Variants in ZNF341 observed in about 807,000 individuals in gnomAD.
ZNF341 encodes zinc finger protein 341.
In ZNF341, 52 loss-of-function variants were observed where a neutral mutation model predicts 87.7. The observed-to-expected ratio is 0.59, with a 90% CI of 0.47 to 0.75. The LOEUF (loss-of-function observed/expected upper bound fraction) is 0.75. Ranked by LOEUF, ZNF341 falls within the 30% of genes least tolerant of loss-of-function variation. The pLI, the probability that ZNF341 is intolerant of heterozygous loss-of-function variation, is 0.00. For missense variants in ZNF341, 977 were observed against 1,145.9 expected, an observed-to-expected ratio of 0.85 and a Z score of 2.13; for synonymous variants, 459 against 472.7, an observed-to-expected ratio of 0.97 and a Z score of 0.38.
Position 33,745,183 on chromosome 20 carries a change from C to T in ZNF341, c.223C>T (p.Gln75Ter), listed in dbSNP as rs2018890945. The T allele has an allele frequency of 6.2e-7, 1 of 1,614,096 alleles. No individual in the cohort carries two copies. Among genetic ancestry groups the T allele is most frequent in the Non-Finnish European group, 8.5e-7 (1 of 1,180,044 alleles). ...AGCGTTTATGACCCACAAGCGGGAA[C>T]AGTGCCAGGGGAATGCCCCCGCCCT... The part of the protein sequence containing the change: ...LPAFMTHKRE[Q>*]CQGNAPALAT... Residue 75 changes from glutamine to a stop codon, truncating the protein, a stop_gained, in exon 3 of 15, where the codon CAG becomes TAG. Coordinates refer to ENST00000375200, the MANE Select transcript of ZNF341 (RefSeq NM_001282933.2). LOFTEE classifies it high-confidence loss of function.
chr20:33,791,214 C>A lies in ZNF341; in HGVS notation c.2262C>A (p.Arg754=). The A allele has an allele frequency of 1.2e-6, 2 of 1,612,300 alleles. No individual in the cohort carries two copies. Among genetic ancestry groups the A allele is most frequent in the South Asian group, 1.1e-5 (1 of 91,032 alleles). Residue 754 remains arginine (R), a synonymous_variant, in exon 15 of 15, where the codon CGC becomes CGA. Transcript: ENST00000375200. ...CCCCCCAGAGGAGGGCAGCCCCCCG[C>A]AGTTGCGGCAGTGGTGGGCGCAAGG... The part of the protein sequence containing the change: ...RRPPQRRAAP[R]SCGSGGRKVL...
At chr20:33,768,274 C>A (rs2019452186) in intron 9 of ZNF341, among the ~76,000 whole-genome samples, 1 of 151,570 alleles carries the variant, frequency 6.6e-6, no homozygotes, top group African/African-American at 2.4e-5. Flanking sequence ...AGGTGCCCCC[C>A]ACCACACCCA....
At chr20:33,739,193 T>C (rs570105500) in intron 1 of ZNF341, among the ~76,000 whole-genome samples, 3 of 152,258 alleles carry the variant, frequency 2.0e-5, no homozygotes, top group East Asian at 1.9e-4. Context: ...TAGTCTTGAA[T>C]TCCTAACCTC....
intron 3 of ZNF341, 92 bp from the exon 4 acceptor site, chr20:33,748,831 C>G (rs1308830563): frequency 7.6e-7 from 1 of 1,318,452 alleles, no homozygotes; most frequent in Non-Finnish European, 1.0e-6. Context: ...CTTACAGAGC[C>G]TGACATGTCC....
In ZNF341 at chr20:33,762,760, C is replaced by T. The variant is rs547167049; in HGVS notation, c.1222+705C>T. 2.0e-5 allele frequency among the ~76,000 whole-genome samples: 3 copies of T among 152,158 alleles called. No individual in the cohort carries two copies. The East Asian group carries it at 5.8e-4, about 29-fold the overall frequency. Reference sequence around the variant, plus strand: ...TCCATGTGTTCTCATCGTTCAACTCCCACCTATGAGTGAGAACATACGGTG... The same window carrying T: ...TCCATGTGTTCTCATCGTTCAACTCTCACCTATGAGTGAGAACATACGGTG... On this transcript the variant is annotated intron_variant, in intron 8 of 14. Coordinates refer to ENST00000375200, the MANE Select transcript of ZNF341 (RefSeq NM_001282933.2).
At chr20:33,783,923 C>G in intron 12 of ZNF341, 59 bp downstream of exon 12, 4 of 1,528,922 alleles carry the variant, frequency 2.6e-6, no homozygotes, top group Non-Finnish European at 3.5e-6. Context: ...TCCCCCTCTC[C>G]TCATGCCTTT....
chr20:33,780,419 CT>C (rs143707345), intron 10 of ZNF341, among the ~76,000 whole-genome samples: 3,244 of 150,216 alleles, frequency 0.022, 115 homozygotes, highest in African/African-American at 0.075. Flanking sequence ...TTTTTTGTTT[CT>C]TTTTTGAGAC....
At position 33,783,948 on chromosome 20, in the gene ZNF341, C is replaced by T. The variant is rs575875944; in HGVS notation, c.1852+84C>T. On this transcript the variant is annotated intron_variant, in intron 12 of 14. Coordinates refer to ENST00000375200, the MANE Select transcript of ZNF341 (RefSeq NM_001282933.2). ...CTCATGCCTTTCTCTCTCTTCCCATCCCCATCTGGCTCTTCTCCCTGTCTC... is the reference window on the plus strand; with the variant it reads ...CTCATGCCTTTCTCTCTCTTCCCATTCCCATCTGGCTCTTCTCCCTGTCTC... 2.4e-5 allele frequency: 33 copies of T among 1,364,872 alleles called. No homozygotes were observed. In the South Asian group the frequency reaches 3.4e-4, roughly 14 times the overall value. The allele number at this position is 1,364,872 out of a possible 1,614,324, so 84.5% of individuals were successfully genotyped here.
rs2019306526 is a variant in ZNF341, at chr20:33,762,034, CA to C, written c.1202del (p.Gln401ArgfsTer64). 6.4e-7 allele frequency: 1 copy of C among 1,565,904 alleles called. No individual in the cohort carries two copies. The highest frequency in any genetic ancestry group is 1.4e-5 in the African/African-American group (1 of 73,936). On this transcript the variant is annotated frameshift_variant, in exon 8 of 15. Transcript: ENST00000375200. LOFTEE classifies it high-confidence loss of function. The part of the protein sequence containing the change: ...VQVMALNPSR[Q>X]EDEESTGLGQ... ...GGTCATGGCCCTGAACCCCAGCAGG[CA>C]GGAGGACGAGGAAAGCACAGGTGGG...
chr20:33,789,615 GGGTCT>G, intron 14 of ZNF341, 27 bp downstream of exon 14: 1 of 1,613,166 alleles, frequency 6.2e-7, no homozygotes, highest in South Asian at 1.1e-5. Flanking sequence ...CCTGCTAAGA[GGGTCT>G]GGTTCAGCTC....
At chr20:33,784,957 C>T (rs2019823095) in intron 12 of ZNF341, among the ~76,000 whole-genome samples, 1 of 152,196 alleles carries the variant, frequency 6.6e-6, no homozygotes, top group Non-Finnish European at 1.5e-5. Flanking sequence ...GGTGGGGACA[C>T]TGCTCTCACT....
At chr20:33,758,572 C>T in intron 6 of ZNF341, 144 bp from the exon 7 acceptor site, 1 of 619,496 alleles carries the variant, frequency 1.6e-6, no homozygotes, top group Non-Finnish European at 2.8e-6. Flanking sequence ...GAAGCTCTCC[C>T]ATGTCTCCTC....
chr20:33,762,024 C>A lies in ZNF341; in HGVS notation c.1191C>A (p.Asn397Lys). The A allele has an allele frequency of 6.3e-7, 1 of 1,575,014 alleles. No homozygotes were observed. ...NSVTVQVMALNPSRQEDEEST... is the reference protein window; with the variant it reads ...NSVTVQVMALKPSRQEDEEST... Reference sequence around the variant, plus strand: ...TGACCGTACAGGTCATGGCCCTGAACCCCAGCAGGCAGGAGGACGAGGAAA... The same window carrying A: ...TGACCGTACAGGTCATGGCCCTGAAACCCAGCAGGCAGGAGGACGAGGAAA... The change falls in exon 8 of 15, where the codon AAC becomes AAA. Residue 397 changes from asparagine (N) to lysine (K), a missense_variant. Physicochemically the swap from Asn to Lys is moderately conservative, Grantham distance 94. Coordinates refer to ENST00000375200, the MANE Select transcript of ZNF341 (RefSeq NM_001282933.2).
chr20:33,770,219 G>C lies in ZNF341; in HGVS notation c.1549G>C (p.Asp517His). The change falls in exon 10 of 15, where the codon GAC becomes CAC. Residue 517 changes from aspartate to histidine, a missense_variant. Physicochemically the swap from Asp to His is moderately conservative, Grantham distance 81. Transcript: ENST00000375200. The part of the protein sequence containing the change: ...LCGKDFPSLY[D>H]LGVHQYSHSL... ...CGGCAAGGACTTCCCCTCGCTGTACGACCTGGGCGTGCACCAGTACTCCCA... is the reference window on the plus strand; with the variant it reads ...CGGCAAGGACTTCCCCTCGCTGTACCACCTGGGCGTGCACCAGTACTCCCA... The C allele has an allele frequency of 1.9e-6, 3 of 1,613,994 alleles. No individual in the cohort carries two copies. The highest frequency in any genetic ancestry group is 2.5e-6 in the Non-Finnish European group (3 of 1,180,004).
At chr20:33,779,867 C>T (rs2019706888) in intron 10 of ZNF341, among the ~76,000 whole-genome samples, 1 of 152,214 alleles carries the variant, frequency 6.6e-6, no homozygotes, top group Non-Finnish European at 1.5e-5. Context: ...GGATCCCCAT[C>T]TGTCTGACTC....
chr20:33,760,513 A>G (rs1341409302), intron 7 of ZNF341, among the ~76,000 whole-genome samples: 1 of 152,006 alleles, frequency 6.6e-6, no homozygotes, highest in Non-Finnish European at 1.5e-5. Context: ...GAGAAACTGA[A>G]TTTTGTATTT....
chr20:33,783,154 C>CAAATAAAATAAAATA (rs71192773), intron 11 of ZNF341, among the ~76,000 whole-genome samples: 270 of 150,108 alleles, frequency 1.8e-3, no homozygotes, highest in African/African-American at 4.7e-3. Context: ...AACTGCATCT[C>CAAATAAAATAAAATA]AAATAAAATA....
At chr20:33,746,766 A>G (rs1197085573) in intron 3 of ZNF341, among the ~76,000 whole-genome samples, 1 of 152,164 alleles carries the variant, frequency 6.6e-6, no homozygotes, top group Non-Finnish European at 1.5e-5. Flanking sequence ...GTGAGATTTT[A>G]GAAATACTTT....
intron 8 of ZNF341, among the ~76,000 whole-genome samples, chr20:33,764,912 G>A (rs925847721): frequency 1.3e-5 from 2 of 151,400 alleles, no homozygotes; most frequent in African/African-American, 2.4e-5. Context: ...TTGTAGCCTC[G>A]AACTCCCGGA....
Sources: allele counts gnomAD v4.1 joint callset (sites outside exome capture counted in the v4.1 genomes callset), GRCh38; gene constraint gnomAD v4.1.1; transcripts MANE v1.5; gene names NCBI Gene and HGNC (gene_info 2026-07-23, HGNC 2026-07-21).